Variants in KANK1 observed in about 807,000 individuals in gnomAD.
KANK1 encodes the protein KN motif and ankyrin repeat domains 1, also known as KN motif and ankyrin repeat domain-containing protein 1.
KANK1 carries 109 observed loss-of-function variants against 106.2 expected under a neutral mutation model. The ratio of observed to expected loss-of-function variants is 1.03; its 90% confidence interval spans 0.88 to 1.20. KANK1 has a LOEUF of 1.20. Ranked by LOEUF, KANK1 falls within the 50% of genes most tolerant of loss-of-function variation. KANK1 has a pLI of 0.00. For synonymous variants in KANK1, 873 were observed against 652.2 expected, an observed-to-expected ratio of 1.34 and a Z score of -5.16; for missense variants, 2,399 against 1,710.7, an observed-to-expected ratio of 1.40 and a Z score of -7.10.
At chr9:604,474 C>G (rs1460938540) in intron 1 of KANK1, among the ~76,000 whole-genome samples, 1 of 151,776 alleles carries the variant, frequency 6.6e-6, no homozygotes, top group Non-Finnish European at 1.5e-5. Flanking sequence ...CCATGTCTCT[C>G]TCTGTCTCTC....
At chr9:618,208 C>CATTT (rs1003893666) in intron 1 of KANK1, among the ~76,000 whole-genome samples, 24 of 152,166 alleles carry the variant, frequency 1.6e-4, no homozygotes, top group African/African-American at 4.6e-4. Flanking sequence ...TTCCAGATCA[C>CATTT]ATTTATTTAT....
At chr9:550,295 C>T (rs140125634) in intron 1 of KANK1, among the ~76,000 whole-genome samples, 1 of 152,176 alleles carries the variant, frequency 6.6e-6, no homozygotes, top group African/African-American at 2.4e-5. Flanking sequence ...TTATGAAAGC[C>T]GTTATAGGGT....
intron 1 of KANK1, among the ~76,000 whole-genome samples, chr9:626,013 G>A (rs1834261415): frequency 6.6e-6 from 1 of 152,012 alleles, no homozygotes; most frequent in African/African-American, 2.4e-5. Flanking sequence ...TGCCATTTGT[G>A]CATTCTACAG....
chr9:679,158 C>CA (rs1817008543), intron 2 of KANK1, among the ~76,000 whole-genome samples: 1 of 152,090 alleles, frequency 6.6e-6, no homozygotes, highest in Admixed American at 6.5e-5. Context: ...TTCAGGGTGT[C>CA]AGAGTATGAA....
intron 1 of KANK1, among the ~76,000 whole-genome samples, chr9:521,803 G>A (rs897075930): frequency 6.6e-6 from 1 of 151,400 alleles, no homozygotes; most frequent in Non-Finnish European, 1.5e-5. Flanking sequence ...CCTGACCTCA[G>A]GAGATCCACC....
At chr9:474,398 A>C (rs2058070437) in intron 3 of KANK1, among the ~76,000 whole-genome samples, 1 of 152,224 alleles carries the variant, frequency 6.6e-6, no homozygotes, top group Non-Finnish European at 1.5e-5. Context: ...ATATTGATTA[A>C]TTGCATAAGT....
chr9:653,813 C>G (rs1226632551), intron 1 of KANK1, among the ~76,000 whole-genome samples: 3 of 152,156 alleles, frequency 2.0e-5, no homozygotes, highest in Non-Finnish European at 4.4e-5. Context: ...ATGAACAAGC[C>G]TCATCACATT....
rs2296054 is a variant in KANK1, at chr9:677,141, A to G, written c.37+132A>G. ...AGGATTTCAAAGCAATTTTCTGTCC[A>G]TTGAAGTTTGGGTTTGTTTTGTTTT... On this transcript the variant is annotated intron_variant, in intron 2 of 11. Coordinates refer to ENST00000382297, the MANE Select transcript of KANK1 (RefSeq NM_015158.5). 0.023 allele frequency: 18,056 copies of G among 801,630 alleles called. 1,040 individuals are homozygous for G. The highest frequency in any genetic ancestry group is 0.15 in the East Asian group (5,356 of 34,848). 49.7% of individuals were successfully genotyped at this position (801,630 alleles called of 1,614,324 possible).
chr9:697,208 G>T (rs1374147605), intron 2 of KANK1, among the ~76,000 whole-genome samples: 4 of 152,012 alleles, frequency 2.6e-5, no homozygotes, highest in Non-Finnish European at 5.9e-5. Flanking sequence ...TAAAAAGAGA[G>T]GCCTGACATT....
chr9:620,108 G>T (rs1297438510), intron 1 of KANK1, among the ~76,000 whole-genome samples: 1 of 150,242 alleles, frequency 6.7e-6, no homozygotes, highest in Non-Finnish European at 1.5e-5. Context: ...CTCCAGCCTG[G>T]GCAACAGAGC....
At chr9:635,969 C>T (rs1168036568) in intron 1 of KANK1, among the ~76,000 whole-genome samples, 1 of 152,146 alleles carries the variant, frequency 6.6e-6, no homozygotes, top group East Asian at 1.9e-4. Flanking sequence ...GCCACCGTGC[C>T]TGGCTTTATT....
chr9:489,254 T>C (rs919215164), intron 3 of KANK1, among the ~76,000 whole-genome samples: 2 of 152,156 alleles, frequency 1.3e-5, no homozygotes, highest in African/African-American at 2.4e-5. Context: ...AGAGCCTACA[T>C]GTGTATTTTG....
intron 3 of KANK1, among the ~76,000 whole-genome samples, chr9:724,058 G>A (rs538173096): frequency 1.3e-3 from 193 of 150,660 alleles, no homozygotes; most frequent in Non-Finnish European, 2.0e-3. Context: ...CAGAGATCAC[G>A]CCACTGCACT....
At chr9:735,727 C>G (rs1253147249) in intron 7 of KANK1, 1 of 443,046 alleles carries the variant, frequency 2.3e-6, no homozygotes, top group East Asian at 7.1e-5. Context: ...GGTGCAGTGG[C>G]TGACACCTAT....
At chr9:725,463 C>T (rs978831136) in intron 3 of KANK1, among the ~76,000 whole-genome samples, 1 of 147,260 alleles carries the variant, frequency 6.8e-6, no homozygotes, top group Non-Finnish European at 1.5e-5. Context: ...ACAGCCCTCA[C>T]TCCAGCCTGG....
intron 1 of KANK1, among the ~76,000 whole-genome samples, chr9:642,000 A>C (rs1838564146): frequency 2.6e-5 from 4 of 152,166 alleles, no homozygotes; most frequent in African/African-American, 9.6e-5. Flanking sequence ...CAACCACCAC[A>C]CACCCCCCAG....
intron 2 of KANK1, among the ~76,000 whole-genome samples, chr9:701,330 C>T (rs1822607022): frequency 6.6e-6 from 1 of 152,116 alleles, no homozygotes; most frequent in Admixed American, 6.6e-5. Context: ...TCTCGAACTC[C>T]CCACCTCAGG....
Position 639,118 on chromosome 9 carries a change from G to T in KANK1, c.-83-37772G>T, listed in dbSNP as rs75415119. 5.2e-3 allele frequency among the ~76,000 whole-genome samples: 796 copies of T among 152,206 alleles called. 5 individuals are homozygous for T. The highest frequency in any genetic ancestry group is 0.018 in the African/African-American group (750 of 41,504). On this transcript the variant is annotated intron_variant, in intron 1 of 11. Coordinates refer to ENST00000382297, the MANE Select transcript of KANK1 (RefSeq NM_015158.5). ...ATGCTTTCCCCCCACACATCTGATT[G>T]CTGAACACTTTGTTTCACTAGGCTT...
chr9:472,299 CTG>C (rs1477682991), intron 2 of KANK1, among the ~76,000 whole-genome samples: 1 of 152,210 alleles, frequency 6.6e-6, no homozygotes, highest in Non-Finnish European at 1.5e-5. Flanking sequence ...GCCTCAGACT[CTG>C]AGTTTCTAAC....
Sources: allele counts gnomAD v4.1 joint callset (sites outside exome capture counted in the v4.1 genomes callset), GRCh38; gene constraint gnomAD v4.1.1; transcripts MANE v1.5; gene names NCBI Gene and HGNC (gene_info 2026-07-23, HGNC 2026-07-21).